ST18: variants seen among roughly 807,000 people sequenced by gnomAD.
ST18 encodes suppression of tumorigenicity 18 protein.
In ST18, 50 loss-of-function variants were observed where a neutral mutation model predicts 110.0. That is an observed-to-expected ratio of 0.45 (90% CI 0.36 to 0.58). The LOEUF is 0.58. Among genes scored for constraint, ST18 ranks in the 20% least tolerant of loss-of-function variants. The pLI, the probability that ST18 is intolerant of heterozygous loss-of-function variation, is 0.00. For synonymous variants in ST18, 461 were observed against 452.4 expected (o/e 1.02, Z -0.24); for missense variants, 1,306 against 1,280.1 (o/e 1.02, Z -0.31).
intron 9 of ST18, among the ~76,000 whole-genome samples, chr8:52,179,202 T>C (rs1005706049): frequency 6.6e-6 from 1 of 152,240 alleles, no homozygotes; most frequent in Non-Finnish European, 1.5e-5. Flanking sequence ...AGTTTTTGCA[T>C]GTCCCTCAGC....
intron 2 of ST18, among the ~76,000 whole-genome samples, chr8:52,368,671 C>G (rs1231366746): frequency 6.6e-6 from 1 of 152,116 alleles, no homozygotes; most frequent in Admixed American, 6.5e-5. Flanking sequence ...CACATCATTC[C>G]TTACAGTCTT....
chr8:52,250,144 G>A (rs1255764582), intron 2 of ST18, among the ~76,000 whole-genome samples: 1 of 152,052 alleles, frequency 6.6e-6, no homozygotes, highest in Non-Finnish European at 1.5e-5. Flanking sequence ...TGTCCAGCTT[G>A]TCCCTGGATA....
chr8:52,341,387 T>G (rs1814945014), intron 2 of ST18, among the ~76,000 whole-genome samples: 1 of 152,194 alleles, frequency 6.6e-6, no homozygotes, highest in Admixed American at 6.5e-5. Flanking sequence ...AAAAATTTGC[T>G]AAGACTTGGA....
chr8:52,165,100 T>A (rs758684112), intron 12 of ST18, 35 bp downstream of exon 12: 89 of 1,605,288 alleles, frequency 5.5e-5, no homozygotes, highest in Non-Finnish European at 7.2e-5. Flanking sequence ...CCACATTTTT[T>A]AAATGCAAAA....
At chr8:52,187,670 C>T (rs1424289352) in intron 8 of ST18, among the ~76,000 whole-genome samples, 1 of 152,102 alleles carries the variant, frequency 6.6e-6, no homozygotes, top group African/African-American at 2.4e-5. Context: ...AAAGGAAAGG[C>T]ATTTTTCATT....
chr8:52,172,115 C>A lies in ST18; in HGVS notation c.746G>T (p.Arg249Met), dbSNP rs201229228. The part of the protein sequence containing the change: ...EGDKFIPCEN[R>M]CDSETERKDP... ...TTTCCTTTCTGTTTCAGAATCACAC[C>A]TGTTCTCACAAGGGATAAATTTGTC... Residue 249 changes from arginine (R) to methionine (M), a missense_variant, in exon 10 of 26, where the codon AGG becomes ATG. By Grantham distance (91) the Arg-to-Met change is moderately conservative. Coordinates refer to ENST00000689386, the MANE Select transcript of ST18 (RefSeq NM_001352837.2). 15 of 1,614,108 alleles carry A rather than the reference C, an allele frequency of 9.3e-6. No individual in the cohort carries two copies. Among genetic ancestry groups the A allele is most frequent in the Non-Finnish European group, 1.2e-5 (14 of 1,180,048 alleles).
chr8:52,258,972 T>C (rs2094603248), intron 2 of ST18, among the ~76,000 whole-genome samples: 1 of 152,142 alleles, frequency 6.6e-6, no homozygotes, highest in Admixed American at 6.5e-5. Flanking sequence ...TCCTCTACTC[T>C]AAAATTTACA....
chr8:52,183,733 C>T (rs904949006), intron 8 of ST18, among the ~76,000 whole-genome samples: 2 of 152,216 alleles, frequency 1.3e-5, no homozygotes, highest in Admixed American at 1.3e-4. Flanking sequence ...ACTCCATCAA[C>T]ACTGGCTAAT....
intron 8 of ST18, among the ~76,000 whole-genome samples, chr8:52,190,733 C>G (rs568804140): frequency 1.1e-4 from 17 of 152,328 alleles, no homozygotes; most frequent in African/African-American, 3.8e-4. Context: ...CCCGGAGAAT[C>G]TGGATAACCC....
chr8:52,240,922 A>G (rs1158937672), intron 2 of ST18, among the ~76,000 whole-genome samples: 1 of 152,204 alleles, frequency 6.6e-6, no homozygotes, highest in Non-Finnish European at 1.5e-5. Flanking sequence ...TGAATTTCAG[A>G]TCCACTGATC....
At chr8:52,268,539 T>C (rs1482921547) in intron 2 of ST18, among the ~76,000 whole-genome samples, 2 of 151,216 alleles carry the variant, frequency 1.3e-5, no homozygotes, top group African/African-American at 4.9e-5. Context: ...ATCTATCATC[T>C]ATCTATCTAT....
At chr8:52,230,301 T>C (rs1182169488) in intron 2 of ST18, among the ~76,000 whole-genome samples, 6 of 152,100 alleles carry the variant, frequency 3.9e-5, no homozygotes, top group East Asian at 1.9e-4. Flanking sequence ...TCTACTGTTA[T>C]CAGAAAATGC....
chr8:52,396,778 C>A (rs1419510880), intron 2 of ST18, among the ~76,000 whole-genome samples: 1 of 152,134 alleles, frequency 6.6e-6, no homozygotes, highest in African/African-American at 2.4e-5. Context: ...GTCCCTCCCC[C>A]ATCACGTGGA....
At chr8:52,181,455 T>G (rs748642096) in intron 8 of ST18, among the ~76,000 whole-genome samples, 1 of 152,128 alleles carries the variant, frequency 6.6e-6, no homozygotes, top group Admixed American at 6.5e-5. Flanking sequence ...GGGGTAAAAG[T>G]GTCATTTCTT....
chr8:52,185,216 T>C (rs1296898277), intron 8 of ST18, among the ~76,000 whole-genome samples: 1 of 152,124 alleles, frequency 6.6e-6, no homozygotes, highest in Non-Finnish European at 1.5e-5. Context: ...TACCTAGGAA[T>C]AAATCTAACA....
At chr8:52,298,745 C>G (rs2095670965) in intron 2 of ST18, among the ~76,000 whole-genome samples, 1 of 152,154 alleles carries the variant, frequency 6.6e-6, no homozygotes, top group African/African-American at 2.4e-5. Flanking sequence ...TTCATACTTT[C>G]CATTCAACAT....
At chr8:52,201,386 C>T (rs1418202899) in intron 8 of ST18, 1 of 152,206 alleles carries the variant, frequency 6.6e-6, no homozygotes, top group African/African-American at 2.4e-5. Context: ...TCTGGAAGAA[C>T]AGAATTTACC....
In ST18 at chr8:52,334,584, C is replaced by A. The variant is rs1333876444; in HGVS notation, c.-465+74744G>T. On this transcript the variant is annotated intron_variant, in intron 2 of 25. Coordinates refer to ENST00000689386, the MANE Select transcript of ST18 (RefSeq NM_001352837.2). ...GGACATTCTTGTAGGAAAATATCTG[C>A]CTCATTTTAAGGATCTGATAAATTA... Among the ~76,000 whole-genome samples, 15 of 152,072 alleles carry A rather than the reference C, an allele frequency of 9.9e-5. 1 individual carries two copies. Among genetic ancestry groups the A allele is most frequent in the Admixed American group, 9.8e-4 (15 of 15,276 alleles).
chr8:52,149,098 T>A (rs1204977652), intron 16 of ST18, among the ~76,000 whole-genome samples: 1 of 152,334 alleles, frequency 6.6e-6, no homozygotes, highest in East Asian at 1.9e-4. Context: ...CCTAGTCAGG[T>A]GGCTCAAGCC....
Sources: gnomAD v4.1 joint callset for allele counts (sites outside exome capture counted in the v4.1 genomes callset) on GRCh38, gnomAD v4.1.1 for gene constraint, MANE v1.5 for transcripts, NCBI Gene and HGNC (gene_info 2026-07-23, HGNC 2026-07-21) for gene names.